Variants in CAPSL observed in about 807,000 individuals in gnomAD.
The protein encoded by CAPSL is calcyphosin-like protein.
CAPSL carries 17 observed loss-of-function variants against 21.3 expected under a neutral mutation model. That is an observed-to-expected ratio of 0.80 (90% CI 0.55 to 1.20). The LOEUF is 1.20. CAPSL is among the 50% of genes most tolerant of loss of function. CAPSL has a pLI of 0.00. For synonymous variants in CAPSL, 102 were observed against 89.3 expected (o/e 1.14, Z -0.80); for missense variants, 289 against 259.3 (o/e 1.11, Z -0.79).
intron 1 of CAPSL, among the ~76,000 whole-genome samples, chr5:35,928,784 C>A (rs1279268530): frequency 6.6e-6 from 1 of 152,126 alleles, no homozygotes; most frequent in African/African-American, 2.4e-5. Context: ...AAAGAATTAC[C>A]AGTCAGAGAT....
At chr5:35,918,857 T>C (rs866015050) in intron 2 of CAPSL, among the ~76,000 whole-genome samples, 2 of 151,934 alleles carry the variant, frequency 1.3e-5, no homozygotes, top group Non-Finnish European at 2.9e-5. Flanking sequence ...AATACTATCA[T>C]AAGAGTCCAG....
intron 1 of CAPSL, among the ~76,000 whole-genome samples, chr5:35,931,288 G>GA (rs1738816428): frequency 6.6e-6 from 1 of 152,162 alleles, no homozygotes; most frequent in Non-Finnish European, 1.5e-5. Context: ...TGAGACTCAT[G>GA]AGGAGAGAGA....
chr5:35,936,471 A>G (rs1738950202), intron 1 of CAPSL, among the ~76,000 whole-genome samples: 1 of 152,190 alleles, frequency 6.6e-6, no homozygotes, highest in South Asian at 2.1e-4. Context: ...TGCCCCATTC[A>G]TACTTCGGTC....
At chr5:35,910,166 C>A (rs76988839) in intron 3 of CAPSL, 91 bp from the exon 4 acceptor site, 4 of 1,188,846 alleles carry the variant, frequency 3.4e-6, no homozygotes, top group Non-Finnish European at 4.7e-6. Flanking sequence ...TTCCCCTCAA[C>A]GATGTGAAAT....
At chr5:35,909,708 C>T (rs1422743368) in intron 4 of CAPSL, 158 bp downstream of exon 4, 1 of 646,672 alleles carries the variant, frequency 1.5e-6, no homozygotes, top group Admixed American at 3.2e-5. Context: ...TTTCCCCTGG[C>T]AATGGAGAAG....
At chr5:35,918,943 G>A (rs556724855) in intron 2 of CAPSL, among the ~76,000 whole-genome samples, 3 of 151,912 alleles carry the variant, frequency 2.0e-5, no homozygotes, top group Non-Finnish European at 4.4e-5. Context: ...AGATATTATA[G>A]AAATAAAGGA....
intron 2 of CAPSL, among the ~76,000 whole-genome samples, chr5:35,911,279 C>T (rs192009615): frequency 5.9e-5 from 9 of 152,020 alleles, no homozygotes; most frequent in African/African-American, 1.7e-4. Flanking sequence ...CCAAAAAGTA[C>T]GATATGGAAA....
At chr5:35,926,844 G>A (rs7722515) in intron 1 of CAPSL, among the ~76,000 whole-genome samples, 151,337 of 152,274 alleles carry the variant, frequency 0.99, 75,211 homozygotes, top group East Asian at 1. Context: ...CTCACCCTCA[G>A]GAAACTCTCC....
chr5:35,911,529 A>T (rs949163764), intron 2 of CAPSL, among the ~76,000 whole-genome samples: 1 of 152,228 alleles, frequency 6.6e-6, no homozygotes, highest in East Asian at 1.9e-4. Context: ...GACCTCTCAC[A>T]TTCATCAAAA....
intron 4 of CAPSL, among the ~76,000 whole-genome samples, chr5:35,908,825 C>T (rs1406816959): frequency 6.6e-6 from 1 of 152,192 alleles, no homozygotes; most frequent in African/African-American, 2.4e-5. Flanking sequence ...CTTCCTATCC[C>T]CCACCCCTTG....
chr5:35,938,257 C>A (rs1372234131), intron 1 of CAPSL, among the ~76,000 whole-genome samples: 1 of 152,146 alleles, frequency 6.6e-6, no homozygotes, highest in Non-Finnish European at 1.5e-5. Flanking sequence ...TACCTAATGA[C>A]TGCTCAGTAA....
chr5:35,931,208 A>G (rs1345467103), intron 1 of CAPSL, among the ~76,000 whole-genome samples: 1 of 152,146 alleles, frequency 6.6e-6, no homozygotes, highest in African/African-American at 2.4e-5. Context: ...GTTTGGGCTG[A>G]CCCTAAATAT....
chr5:35,922,071 GAAA>G (rs35010602), intron 1 of CAPSL, among the ~76,000 whole-genome samples: 59,462 of 146,312 alleles, frequency 0.41, 12,265 homozygotes, highest in African/African-American at 0.45. Context: ...GCAATGTGCA[GAAA>G]AAAAAAAAAA....
intron 4 of CAPSL, among the ~76,000 whole-genome samples, chr5:35,905,436 A>C (rs972135055): frequency 2.6e-5 from 4 of 152,146 alleles, no homozygotes; most frequent in African/African-American, 4.8e-5. Flanking sequence ...TGACTGACCC[A>C]CTGGTCCTAT....
At chr5:35,924,207 T>C (rs10054418) in intron 1 of CAPSL, among the ~76,000 whole-genome samples, 130,939 of 152,136 alleles carry the variant, frequency 0.86, 56,413 homozygotes, top group South Asian at 0.94. Flanking sequence ...GTAATCCACA[T>C]GCTGTTAGAA....
chr5:35,921,733 C>T (rs957439069), intron 1 of CAPSL, among the ~76,000 whole-genome samples: 2 of 152,154 alleles, frequency 1.3e-5, no homozygotes, highest in African/African-American at 4.8e-5. Context: ...GCTCTCAAAG[C>T]TTGCACAACA....
intron 1 of CAPSL, among the ~76,000 whole-genome samples, chr5:35,921,781 G>A (rs975564556): frequency 6.6e-6 from 1 of 152,044 alleles, no homozygotes; most frequent in African/African-American, 2.4e-5. Flanking sequence ...GGAGACCTGG[G>A]TTATAGTCCT....
In CAPSL at chr5:35,922,249, C is replaced by A. The variant is rs77185068; in HGVS notation, c.1-1129G>T. On this transcript the variant is annotated intron_variant, in intron 1 of 4. Transcript: ENST00000651391. Reference sequence around the variant, plus strand: ...CCAAGAGTGTTGTTCTCCTATACACCCTGAAAGGTCTCCCATAGAGGGTAC... The same window carrying A: ...CCAAGAGTGTTGTTCTCCTATACACACTGAAAGGTCTCCCATAGAGGGTAC... Among the ~76,000 whole-genome samples the A allele has an allele frequency of 6.3e-3, 953 of 152,142 alleles. 18 individuals carry two copies. The highest frequency in any genetic ancestry group is 0.057 in the East Asian group (292 of 5,164).
At chr5:35,924,467 C>T (rs1738615372) in intron 1 of CAPSL, among the ~76,000 whole-genome samples, 1 of 152,130 alleles carries the variant, frequency 6.6e-6, no homozygotes, top group African/African-American at 2.4e-5. Context: ...AAGAAACTGC[C>T]AGCCCAGTAC....
Sources: allele counts gnomAD v4.1 joint callset (sites outside exome capture counted in the v4.1 genomes callset), GRCh38; gene constraint gnomAD v4.1.1; transcripts MANE v1.5; gene names NCBI Gene and HGNC (gene_info 2026-07-23, HGNC 2026-07-21).